The following PPP1R16B variants were observed in gnomAD, a reference collection of about 807,000 sequenced individuals.
PPP1R16B encodes the protein protein phosphatase 1 regulatory inhibitor subunit 16B.
Under a neutral mutation model 61.7 loss-of-function variants are expected in PPP1R16B, and 14 were observed. That is an observed-to-expected ratio of 0.23 (90% confidence interval 0.15 to 0.35). The LOEUF is 0.35. Ranked by LOEUF, PPP1R16B falls within the 10% of genes least tolerant of loss-of-function variation. PPP1R16B has a pLI of 1.00. For synonymous variants in PPP1R16B, 266 were observed against 305.3 expected (o/e 0.87, Z 1.34); for missense variants, 547 against 752.5 (o/e 0.73, Z 3.19).
intron 1 of PPP1R16B, among the ~76,000 whole-genome samples, chr20:38,830,352 C>T (rs2084829355): frequency 6.6e-6 from 1 of 152,160 alleles, no homozygotes; most frequent in Admixed American, 6.5e-5. Context: ...AAGATTATTG[C>T]CACGAAGATC....
intron 2 of PPP1R16B, among the ~76,000 whole-genome samples, chr20:38,836,887 T>A (rs1007813375): frequency 2.6e-5 from 4 of 152,186 alleles, no homozygotes; most frequent in African/African-American, 9.7e-5. Flanking sequence ...ATAACTTTCT[T>A]TCCCTCCCAC....
chr20:38,873,550 G>A (rs1007024691), intron 2 of PPP1R16B, among the ~76,000 whole-genome samples: 48 of 152,072 alleles, frequency 3.2e-4, no homozygotes, highest in Admixed American at 2.0e-3. Flanking sequence ...GGAGGCTGTC[G>A]TCAATATGTG....
intron 4 of PPP1R16B, among the ~76,000 whole-genome samples, chr20:38,898,677 G>T (rs2085367715): frequency 6.6e-6 from 1 of 152,066 alleles, no homozygotes; most frequent in Non-Finnish European, 1.5e-5. Context: ...GGGCGTGGTG[G>T]TGCACGCCTG....
chr20:38,830,013 G>C (rs1358255604), intron 1 of PPP1R16B, among the ~76,000 whole-genome samples: 3 of 152,248 alleles, frequency 2.0e-5, no homozygotes, highest in Non-Finnish European at 2.9e-5. Context: ...TTTCTCCAGG[G>C]AGCTGGGCAA....
intron 10 of PPP1R16B, 105 bp downstream of exon 10, chr20:38,908,298 G>A (rs181301187): frequency 7.7e-4 from 1,047 of 1,367,112 alleles, no homozygotes; most frequent in Non-Finnish European, 1.0e-3. Context: ...GAGGGAAGTA[G>A]CCAGGCACTG....
At chr20:38,916,202 A>C (rs559777067) in intron 10 of PPP1R16B, among the ~76,000 whole-genome samples, 3 of 151,226 alleles carry the variant, frequency 2.0e-5, no homozygotes, top group Non-Finnish European at 4.4e-5. Flanking sequence ...CCTGACTCTA[A>C]AAGGAGAAAG....
chr20:38,828,138 T>C (rs966058072), intron 1 of PPP1R16B, among the ~76,000 whole-genome samples: 6 of 152,248 alleles, frequency 3.9e-5, no homozygotes, highest in South Asian at 4.1e-4. Flanking sequence ...ATGTTGTTTT[T>C]CTCGAGGCAC....
chr20:38,881,855 G>A (rs1305427316), intron 2 of PPP1R16B, among the ~76,000 whole-genome samples: 1 of 152,130 alleles, frequency 6.6e-6, no homozygotes. Context: ...CGCTGTATAT[G>A]CTTCCTTCCC....
Position 38,864,924 on chromosome 20 carries a change from T to A in PPP1R16B, c.251-24671T>A, listed in dbSNP as rs79852562. On this transcript the variant is annotated intron_variant, in intron 2 of 10. Coordinates refer to ENST00000299824, the MANE Select transcript of PPP1R16B (RefSeq NM_015568.4). Reference sequence around the variant, plus strand: ...CGATTTGCAGACTGCCGGTTTCCACTTAATTAGCATGGCCTCCTTCTGGCT... The same window carrying A: ...CGATTTGCAGACTGCCGGTTTCCACATAATTAGCATGGCCTCCTTCTGGCT... Among the ~76,000 whole-genome samples, 3 of 152,318 alleles carry A rather than the reference T, an allele frequency of 2.0e-5. No individual in the cohort carries two copies. In the East Asian group the frequency reaches 5.8e-4, roughly 29 times the overall value.
chr20:38,822,392 T>C (rs911354857), intron 1 of PPP1R16B, among the ~76,000 whole-genome samples: 3 of 151,916 alleles, frequency 2.0e-5, no homozygotes, highest in African/African-American at 7.3e-5. Flanking sequence ...TTCCCGCAAA[T>C]AAAAAGCCAT....
At chr20:38,917,464 A>AT (rs1302604070) in intron 10 of PPP1R16B, among the ~76,000 whole-genome samples, 1 of 152,000 alleles carries the variant, frequency 6.6e-6, no homozygotes, top group Admixed American at 6.6e-5. Flanking sequence ...GCATGTATCT[A>AT]TTTTTTAGTT....
intron 2 of PPP1R16B, among the ~76,000 whole-genome samples, chr20:38,867,055 T>TCCCACC (rs2085095468): frequency 6.6e-6 from 1 of 152,228 alleles, no homozygotes; most frequent in Non-Finnish European, 1.5e-5. Context: ...GTTTTTCGGG[T>TCCCACC]TCATCCACGC....
At chr20:38,852,425 A>G (rs1005110282) in intron 2 of PPP1R16B, among the ~76,000 whole-genome samples, 7 of 152,196 alleles carry the variant, frequency 4.6e-5, no homozygotes, top group African/African-American at 1.7e-4. Flanking sequence ...ATAGTATGAG[A>G]CTGCTCTTGG....
chr20:38,861,452 A>G (rs2085049960), intron 2 of PPP1R16B, among the ~76,000 whole-genome samples: 1 of 152,116 alleles, frequency 6.6e-6, no homozygotes, highest in Non-Finnish European at 1.5e-5. Flanking sequence ...CTCCAAAGTG[A>G]TGGCTCCACC....
intron 2 of PPP1R16B, among the ~76,000 whole-genome samples, chr20:38,877,775 G>C (rs2085177983): frequency 1.3e-5 from 2 of 151,946 alleles, no homozygotes; most frequent in African/African-American, 2.4e-5. Flanking sequence ...TCTCATTTTT[G>C]ATCAGCCTAA....
intron 2 of PPP1R16B, among the ~76,000 whole-genome samples, chr20:38,883,836 T>G (rs1460026581): frequency 6.6e-6 from 1 of 152,194 alleles, no homozygotes; most frequent in Non-Finnish European, 1.5e-5. Flanking sequence ...CAGGGCCTTG[T>G]CTTCCTTAAC....
Position 38,811,798 on chromosome 20 carries a change from A to T in PPP1R16B, c.-102+6006A>T, listed in dbSNP as rs1443249653. Among the ~76,000 whole-genome samples the T allele has an allele frequency of 2.6e-5, 4 of 152,168 alleles. No individual in the cohort carries two copies. In the East Asian group the frequency reaches 7.7e-4, roughly 29 times the overall value. ...GTAGACACCAGGGGTGCTGCTAAAT[A>T]TCCTGTGGTGCACAGGAGAGCACCC... On this transcript the variant is annotated intron_variant, in intron 1 of 10. Coordinates refer to ENST00000299824, the MANE Select transcript of PPP1R16B (RefSeq NM_015568.4).
In PPP1R16B at chr20:38,827,878, G is replaced by C. The variant is rs1230772168; in HGVS notation, c.-101-7947G>C. ...CTTTAGGAGAGAAAGTAGGTCCCGA[G>C]TGAGATCCCAGGAGTAGGAAAGCCA... On this transcript the variant is annotated intron_variant, in intron 1 of 10. Transcript: ENST00000299824. Among the ~76,000 whole-genome samples, 3 of 152,154 alleles carry C rather than the reference G, an allele frequency of 2.0e-5. No individual in the cohort carries two copies. The South Asian group carries it at 6.2e-4, about 32-fold the overall frequency.
intron 4 of PPP1R16B, 115 bp downstream of exon 4, chr20:38,895,825 CTTCT>C (rs1252963223): frequency 1.8e-6 from 2 of 1,128,862 alleles, no homozygotes; most frequent in African/African-American, 3.2e-5. Flanking sequence ...TTCCTCCTTC[CTTCT>C]TTCTCTCCTC....
Sources: allele counts gnomAD v4.1 joint callset (sites outside exome capture counted in the v4.1 genomes callset), GRCh38; gene constraint gnomAD v4.1.1; transcripts MANE v1.5; gene names NCBI Gene and HGNC (gene_info 2026-07-23, HGNC 2026-07-21).